FAM114A1: variants seen among roughly 807,000 people sequenced by gnomAD.
FAM114A1 encodes the protein protein NOXP20.
In FAM114A1, 62 loss-of-function variants were observed where a neutral mutation model predicts 64.3. The observed-to-expected ratio is 0.96, with a 90% CI of 0.79 to 1.19. The LOEUF is 1.19. FAM114A1 is among the 50% of genes most tolerant of loss of function. The pLI is 0.00. For missense variants in FAM114A1, 645 were observed against 676.3 expected, an observed-to-expected ratio of 0.95 and a Z score of 0.51; for synonymous variants, 254 against 251.1, an observed-to-expected ratio of 1.01 and a Z score of -0.11.
chr4:38,916,896 C>T (rs1719099254), intron 8 of FAM114A1, among the ~76,000 whole-genome samples: 1 of 152,184 alleles, frequency 6.6e-6, no homozygotes, highest in African/African-American at 2.4e-5. Context: ...AATTCATTCA[C>T]ATGACTATTG....
At chr4:38,877,306 A>G (rs550939660) in intron 2 of FAM114A1, among the ~76,000 whole-genome samples, 14 of 152,326 alleles carry the variant, frequency 9.2e-5, no homozygotes, top group South Asian at 4.1e-4. Flanking sequence ...ACCACAAGGT[A>G]GAATCAGTGG....
intron 6 of FAM114A1, among the ~76,000 whole-genome samples, chr4:38,907,503 G>A (rs1481162234): frequency 6.6e-6 from 1 of 151,904 alleles, no homozygotes. Flanking sequence ...TTTTTCATAG[G>A]ATGTTAGCAG....
At chr4:38,897,689 G>T (rs181611542) in intron 4 of FAM114A1, among the ~76,000 whole-genome samples, 4 of 151,896 alleles carry the variant, frequency 2.6e-5, no homozygotes, top group Non-Finnish European at 5.9e-5. Flanking sequence ...TAGAAAAGAG[G>T]GTTTTTGGGG....
intron 4 of FAM114A1, among the ~76,000 whole-genome samples, chr4:38,899,575 A>G (rs183881524): frequency 1.3e-5 from 2 of 152,374 alleles, no homozygotes; most frequent in East Asian, 3.9e-4. Flanking sequence ...AAATGGGAAA[A>G]GCCAGGTCCA....
intron 9 of FAM114A1, among the ~76,000 whole-genome samples, chr4:38,925,787 C>T (rs1194652688): frequency 6.6e-6 from 1 of 152,164 alleles, no homozygotes; most frequent in African/African-American, 2.4e-5. Context: ...GCCATGTGTA[C>T]AGACCAAGAG....
intron 3 of FAM114A1, among the ~76,000 whole-genome samples, chr4:38,886,927 CA>C (rs570020908): frequency 0.041 from 2,404 of 58,898 alleles, 48 homozygotes; most frequent in African/African-American, 0.11. Context: ...GACTCCGTCT[CA>C]AAAAAAAAAA....
intron 4 of FAM114A1, among the ~76,000 whole-genome samples, chr4:38,901,141 C>T (rs182849845): frequency 1.1e-4 from 17 of 152,248 alleles, no homozygotes; most frequent in African/African-American, 3.9e-4. Flanking sequence ...GATGAGTTAG[C>T]GTGGGCCCTT....
In FAM114A1 at chr4:38,878,377, T is replaced by C. The variant is rs769503754; in HGVS notation, c.299T>C (p.Leu100Pro). The change falls in exon 3 of 15, where the codon CTT (leucine) becomes CCT (proline). Residue 100 changes from leucine (L) to proline (P), a missense_variant. Leu to Pro is a moderately conservative substitution (Grantham distance 98). Coordinates refer to ENST00000358869, the MANE Select transcript of FAM114A1 (RefSeq NM_138389.4). ...TLAECIDSVS[L>P]EAEPRSEIPL... ...GCTGAATGTATTGATTCCGTCAGCC[T>C]TGAGGCAGAACCCAGATCCGAAATA... The C allele has an allele frequency of 3.7e-6, 6 of 1,611,588 alleles. No individual in the cohort carries two copies. In the South Asian group the frequency reaches 6.6e-5, roughly 18 times the overall value.
At chr4:38,915,600 T>A (rs1718966295) in intron 8 of FAM114A1, among the ~76,000 whole-genome samples, 1 of 152,140 alleles carries the variant, frequency 6.6e-6, no homozygotes, top group South Asian at 2.1e-4. Context: ...TATTAGGGAA[T>A]GCTCCCGTAC....
intron 8 of FAM114A1, among the ~76,000 whole-genome samples, chr4:38,919,061 G>C (rs554508325): frequency 1.3e-5 from 2 of 152,152 alleles, no homozygotes; most frequent in African/African-American, 2.4e-5. Context: ...GCTGAGGCAC[G>C]AGAGTCACTT....
At chr4:38,870,052 G>A (rs1303757502) in intron 2 of FAM114A1, among the ~76,000 whole-genome samples, 1 of 152,208 alleles carries the variant, frequency 6.6e-6, no homozygotes, top group African/African-American at 2.4e-5. Context: ...CAGAGGAGCA[G>A]GTGTAAGCAC....
chr4:38,943,497 G>T lies in FAM114A1; in HGVS notation c.1632G>T (p.Leu544=), dbSNP rs569053736. Residue 544 remains leucine (L), a synonymous_variant, in exon 15 of 15, where the codon CTG becomes CTT. Transcript: ENST00000358869. ...CGTACATACAGGATGCCTTCCAGCT[G>T]CTGCTGCCTGTTCTGCAGGTCTCAC... is the stretch of plus-strand genomic sequence containing the variant. ...STTYIQDAFQ[L]LLPVLQVSHI... The T allele has an allele frequency of 8.7e-6, 14 of 1,614,116 alleles. No homozygotes were observed. In the East Asian group the frequency reaches 2.9e-4, roughly 33 times the overall value.
intron 8 of FAM114A1, among the ~76,000 whole-genome samples, chr4:38,922,377 G>A (rs1453467657): frequency 6.6e-6 from 1 of 152,202 alleles, no homozygotes; most frequent in Non-Finnish European, 1.5e-5. Flanking sequence ...GGCATTAAAA[G>A]GTTAAATAAG....
At chr4:38,890,344 A>G (rs1716213640) in intron 3 of FAM114A1, among the ~76,000 whole-genome samples, 1 of 148,982 alleles carries the variant, frequency 6.7e-6, no homozygotes, top group Non-Finnish European at 1.5e-5. Flanking sequence ...TGGAGCTTGC[A>G]GTGAGCTGAG....
chr4:38,889,518 G>C (rs776567860), intron 3 of FAM114A1, among the ~76,000 whole-genome samples: 2 of 152,078 alleles, frequency 1.3e-5, no homozygotes, highest in African/African-American at 4.8e-5. Flanking sequence ...CACTATGCTC[G>C]CAACATTATA....
intron 4 of FAM114A1, among the ~76,000 whole-genome samples, chr4:38,900,681 G>A (rs1436523830): frequency 1.3e-5 from 2 of 152,154 alleles, no homozygotes; most frequent in Admixed American, 1.3e-4. Flanking sequence ...ACTTCTGTGG[G>A]GCACTTAGAA....
At chr4:38,886,488 T>C (rs1288739842) in intron 3 of FAM114A1, among the ~76,000 whole-genome samples, 1 of 151,866 alleles carries the variant, frequency 6.6e-6, no homozygotes, top group African/African-American at 2.4e-5. Context: ...GCACCTTTTT[T>C]AAGAGACAAA....
At position 38,935,751 on chromosome 4, in the gene FAM114A1, T is replaced by C. The variant is rs2271031; in HGVS notation, c.1497T>C (p.Ser499=). ...LTTAMCNEVA[S]LSKKFTNSLT... ...CTGCAATGTGCAATGAAGTGGCCTC[T>C]TTATCAAAGAAGTTTACGAATTCTT... The change falls in exon 13 of 15, where the codon TCT becomes TCC. Residue 499 remains serine, a synonymous_variant. Transcript: ENST00000358869. 985,751 of 1,607,224 alleles carry C rather than the reference T, an allele frequency of 0.61. 307,699 individuals carry two copies. The highest frequency in any genetic ancestry group is 0.85 in the African/African-American group (63,346 of 74,724).
At chr4:38,940,917 C>G (rs373472966) in intron 13 of FAM114A1, 51 bp from the exon 14 acceptor site, 6 of 1,582,918 alleles carry the variant, frequency 3.8e-6, no homozygotes, top group Non-Finnish European at 5.2e-6. Context: ...ACGTGGCAAG[C>G]CTTGTAGTAT....
Sources: gnomAD v4.1 joint callset for allele counts (sites outside exome capture counted in the v4.1 genomes callset) on GRCh38, gnomAD v4.1.1 for gene constraint, MANE v1.5 for transcripts, NCBI Gene and HGNC (gene_info 2026-07-23, HGNC 2026-07-21) for gene names.